Variants in ZBTB49 observed in about 807,000 individuals in gnomAD.
ZBTB49 encodes zinc finger and BTB domain-containing protein 49.
Under a neutral mutation model 57.5 loss-of-function variants are expected in ZBTB49, and 43 were observed. The ratio of observed to expected loss-of-function variants is 0.75; its 90% CI spans 0.59 to 0.97. The LOEUF (loss-of-function observed/expected upper bound fraction) is 0.97. ZBTB49 is among the 50% of genes least tolerant of loss of function. The probability of loss-of-function intolerance (pLI) is 0.00; values close to 1 mark genes in which losing one functional copy is unlikely to be tolerated. For missense variants in ZBTB49, 938 were observed against 947.7 expected (o/e 0.99, Z 0.13); for synonymous variants, 369 against 362.1 (o/e 1.02, Z -0.22).
chr4:4,301,113 C>G (rs1302963889), intron 2 of ZBTB49, among the ~76,000 whole-genome samples: 1 of 152,072 alleles, frequency 6.6e-6, no homozygotes, highest in Non-Finnish European at 1.5e-5. Context: ...TTCTGTCTTC[C>G]CAGGACAGTT....
chr4:4,306,076 C>CA, intron 3 of ZBTB49, 62 bp from the exon 4 acceptor site: 1 of 1,525,132 alleles, frequency 6.6e-7, no homozygotes, highest in South Asian at 1.1e-5. Flanking sequence ...GTCATTTAAA[C>CA]AAAAAATTAT....
intron 4 of ZBTB49, among the ~76,000 whole-genome samples, chr4:4,309,352 C>T (rs1720878375): frequency 6.6e-6 from 1 of 152,188 alleles, no homozygotes; most frequent in African/African-American, 2.4e-5. Flanking sequence ...GAGTCATGTC[C>T]TACTTTAGAG....
Position 4,320,783 on chromosome 4 carries a change from G to A in ZBTB49, c.1765G>A (p.Gly589Ser). 1.2e-6 allele frequency: 2 copies of A among 1,614,200 alleles called. No individual in the cohort carries two copies. Among genetic ancestry groups the A allele is most frequent in the Non-Finnish European group, 1.7e-6 (2 of 1,180,042 alleles). The change falls in exon 8 of 8, where the codon GGT becomes AGT. Residue 589 changes from glycine (G) to serine (S), a missense_variant. Transcript: ENST00000337872. ...RRHKKMHCKA[G>S]DESPDVLEEL... Reference sequence around the variant, plus strand: ...GCACAAGAAGATGCACTGCAAAGCTGGTGACGAGAGCCCAGATGTGCTGGA... The same window carrying A: ...GCACAAGAAGATGCACTGCAAAGCTAGTGACGAGAGCCCAGATGTGCTGGA...
At chr4:4,309,441 C>T (rs961543231) in intron 4 of ZBTB49, among the ~76,000 whole-genome samples, 6 of 152,148 alleles carry the variant, frequency 3.9e-5, no homozygotes, top group African/African-American at 1.2e-4. Context: ...CTGGAGAGAA[C>T]CAAAAGAGTG....
chr4:4,301,883 T>A, intron 2 of ZBTB49, 106 bp from the exon 3 acceptor site: 1 of 1,153,884 alleles, frequency 8.7e-7, no homozygotes, highest in Non-Finnish European at 1.1e-6. Flanking sequence ...AGTTTTGACA[T>A]TCACAGAAGG....
chr4:4,294,946 A>G (rs1283039726), intron 1 of ZBTB49, among the ~76,000 whole-genome samples: 2 of 150,764 alleles, frequency 1.3e-5, no homozygotes, highest in South Asian at 2.1e-4. Context: ...GGGCGATAGC[A>G]TAGCATAAAA....
Position 4,297,431 on chromosome 4 carries a change from G to A in ZBTB49, c.-19-2496G>A, listed in dbSNP as rs145601085. On this transcript the variant is annotated intron_variant, in intron 1 of 7. Coordinates refer to ENST00000337872, the MANE Select transcript of ZBTB49 (RefSeq NM_145291.4). ...ATTTTTATGAGTGAGGGAAAGAGAC[G>A]TGATGGGAATGAAGACACTGGGAAG... Among the ~76,000 whole-genome samples, 325 of 152,202 alleles carry A rather than the reference G, an allele frequency of 2.1e-3. 1 individual carries two copies. The highest frequency in any genetic ancestry group is 7.5e-3 in the African/African-American group (312 of 41,520).
Position 4,321,255 on chromosome 4 carries a change from G to A in ZBTB49, c.2237G>A (p.Ser746Asn). 6.2e-7 allele frequency: 1 copy of A among 1,614,062 alleles called. No homozygotes were observed. Among genetic ancestry groups the A allele is most frequent in the East Asian group, 2.2e-5 (1 of 44,884 alleles). Residue 746 changes from serine to asparagine, a missense_variant, in exon 8 of 8, where the codon AGC becomes AAC. This residue lies in a region of ZBTB49 where 835 missense variants were observed against 819.1 expected (regional missense o/e 1.02). Transcript: ENST00000337872. The stretch of plus-strand genomic sequence containing the variant: ...AACTCAGAGGGTCAGTTTTTCTCCA[G>A]CATGACTCTCTGGGGGCTAGCGATG... Reference protein sequence around the residue: ...YRNSEGQFFSSMTLWGLAMKT... With the variant: ...YRNSEGQFFSNMTLWGLAMKT...
chr4:4,306,978 A>T (rs899862487), intron 4 of ZBTB49, among the ~76,000 whole-genome samples: 1 of 152,222 alleles, frequency 6.6e-6, no homozygotes, highest in African/African-American at 2.4e-5. Context: ...CAGGCCCCGC[A>T]GAGCTTGGAA....
In ZBTB49 at chr4:4,297,773, CA is replaced by C. The variant is rs554296344; in HGVS notation, c.-19-2136del. Among the ~76,000 whole-genome samples the C allele has an allele frequency of 7.0e-3, 815 of 115,644 alleles. 4 individuals carry two copies. Among genetic ancestry groups the C allele is most frequent in the East Asian group, 0.019 (79 of 4,166 alleles). 75.9% of individuals were successfully genotyped at this position (115,644 alleles called of 152,430 possible). A position where few individuals can be genotyped will look rare whatever the true frequency, so the allele number is the denominator to read the frequency against. The stretch of plus-strand genomic sequence containing the variant: ...TGGGTGGCAGAGCTAGATCCTGTTT[CA>C]AAAAAAAAAAAAAAAAAGAATGGTG... On this transcript the variant is annotated intron_variant, in intron 1 of 7. Transcript: ENST00000337872.
rs753646163 is a variant in ZBTB49 at position 4,302,925 on chromosome 4, T to C, written c.1089T>C (p.Ser363=). 6 of 1,614,076 alleles carry C rather than the reference T, an allele frequency of 3.7e-6. No homozygotes were observed. Among genetic ancestry groups the C allele is most frequent in the South Asian group, 1.1e-5 (1 of 91,080 alleles). The part of the protein sequence containing the change: ...AEEKESEEVV[S]CENFNCISET... ...AAAAAGAAAGTGAAGAAGTCGTCAG[T>C]TGTGAGAATTTTAATTGCATTAGTG... Residue 363 remains serine, a synonymous_variant, in exon 3 of 8, where the codon AGT becomes AGC. Transcript: ENST00000337872.
At chr4:4,292,775 T>C (rs1007635773) in intron 1 of ZBTB49, among the ~76,000 whole-genome samples, 14 of 152,210 alleles carry the variant, frequency 9.2e-5, no homozygotes, top group Admixed American at 5.2e-4. Context: ...AATCTATTAA[T>C]GGCACTGCTG....
chr4:4,320,952 A>G lies in ZBTB49; in HGVS notation c.1934A>G (p.Asp645Gly), dbSNP rs1721388815. ...GTGGAAAATTCTGTGGCAGAATTTG[A>G]TAGCCACTCTGGCGGCTCCTATTGT... ...HPVENSVAEF[D>G]SHSGGSYCKL... Residue 645 changes from aspartate to glycine, a missense_variant, in exon 8 of 8, where the codon GAT (aspartate) becomes GGT (glycine). Asp to Gly is a moderately conservative substitution (Grantham distance 94). This residue lies in a region of ZBTB49 where 835 missense variants were observed against 819.1 expected (regional missense o/e 1.02). Transcript: ENST00000337872. 2 of 1,614,246 alleles carry G rather than the reference A, an allele frequency of 1.2e-6. No individual in the cohort carries two copies. The highest frequency in any genetic ancestry group is 1.6e-4 in the Middle Eastern group (1 of 6,062).
chr4:4,316,059 G>A (rs1721184032), intron 7 of ZBTB49, 89 bp downstream of exon 7: 12 of 1,507,418 alleles, frequency 8.0e-6, no homozygotes, highest in Non-Finnish European at 2.7e-6. Context: ...GCGTGTCTGG[G>A]ATGAGCCCTT....
rs376610540 is a variant in ZBTB49, at chr4:4,302,249, G to A, written c.413G>A (p.Ser138Asn). 4.3e-6 allele frequency: 7 copies of A among 1,614,088 alleles called. No homozygotes were observed. The highest frequency in any genetic ancestry group is 5.9e-6 in the Non-Finnish European group (7 of 1,180,042). ...TGTAATAGTACATTGTCTCTACAAA[G>A]CACCCTGACCCCAGATGCCACTTGT... Reference protein sequence around the residue: ...MPCNSTLSLQSTLTPDATCVI... With the variant: ...MPCNSTLSLQNTLTPDATCVI... The change falls in exon 3 of 8, where the codon AGC becomes AAC. Residue 138 changes from serine to asparagine, a missense_variant. Around this residue, in one of 3 missense-constraint regions of ZBTB49, gnomAD observed 835 missense variants for 819.1 expected, o/e 1.02. Transcript: ENST00000337872.
At chr4:4,317,314 C>T (rs1198312825) in intron 7 of ZBTB49, among the ~76,000 whole-genome samples, 2 of 152,134 alleles carry the variant, frequency 1.3e-5, no homozygotes, top group Non-Finnish European at 2.9e-5. Context: ...GTGACAGGGT[C>T]AGTTTTTTAA....
chr4:4,308,631 A>G, intron 4 of ZBTB49, among the ~76,000 whole-genome samples: 1 of 152,224 alleles, frequency 6.6e-6, no homozygotes, highest in East Asian at 1.9e-4. Context: ...TTTGATGAAC[A>G]AGGAACTGTT....
chr4:4,321,662 C>A lies in ZBTB49; in HGVS notation c.*346C>A. ...AAGGAATTATATATGTATAGTATTACAAGTATTTTTGCATTTTTACAAGAT... is the reference window on the plus strand; with the variant it reads ...AAGGAATTATATATGTATAGTATTAAAAGTATTTTTGCATTTTTACAAGAT... On this transcript the variant is annotated 3_prime_UTR_variant, in exon 8 of 8. Transcript: ENST00000337872. The A allele has an allele frequency of 4.4e-6, 1 of 228,798 alleles. No homozygotes were observed. The highest frequency in any genetic ancestry group is 8.4e-6 in the Non-Finnish European group (1 of 119,048). The allele number at this position is 228,798 out of a possible 1,614,324, so 14.2% of individuals were successfully genotyped here. A position where few individuals can be genotyped will look rare whatever the true frequency, so the allele number is the denominator to read the frequency against.
Position 4,320,993 on chromosome 4 carries a change from A to T in ZBTB49, c.1975A>T (p.Ile659Phe). Residue 659 changes from isoleucine (I) to phenylalanine (F), a missense_variant, in exon 8 of 8, where the codon ATC becomes TTC. By Grantham distance (21) the Ile-to-Phe change is conservative (BLOSUM62 0). Around this residue, in one of 3 missense-constraint regions of ZBTB49, gnomAD observed 835 missense variants for 819.1 expected, o/e 1.02. Coordinates refer to ENST00000337872, the MANE Select transcript of ZBTB49 (RefSeq NM_145291.4). Reference sequence around the variant, plus strand: ...CTCCTATTGTAAGTTACGGTCCATGATCCAACCTCATGGAGTTAGTGACCA... The same window carrying T: ...CTCCTATTGTAAGTTACGGTCCATGTTCCAACCTCATGGAGTTAGTGACCA... ...GGSYCKLRSM[I>F]QPHGVSDQEK... The T allele has an allele frequency of 1.2e-6, 2 of 1,614,172 alleles. No individual in the cohort carries two copies. The highest frequency in any genetic ancestry group is 2.7e-5 in the African/African-American group (2 of 75,050).
Sources: allele counts gnomAD v4.1 joint callset (sites outside exome capture counted in the v4.1 genomes callset), GRCh38; gene constraint gnomAD v4.1.1; regional missense constraint gnomAD v4.1.1; transcripts MANE v1.5; gene names NCBI Gene and HGNC (gene_info 2026-07-23, HGNC 2026-07-21).